Variants in SUGCT observed in about 807,000 individuals in gnomAD.
SUGCT encodes the protein succinyl-CoA:glutarate-CoA transferase.
In SUGCT, 41 loss-of-function variants were observed where a neutral mutation model predicts 55.0. The ratio of observed to expected loss-of-function variants is 0.74; its 90% CI spans 0.58 to 0.97. The LOEUF (loss-of-function observed/expected upper bound fraction) is 0.97. Among genes scored for constraint, SUGCT ranks in the 50% least tolerant of loss-of-function variants. The probability of loss-of-function intolerance (pLI) is 0.00; values close to 1 mark genes in which losing one functional copy is unlikely to be tolerated. For synonymous variants in SUGCT, 187 were observed against 200.4 expected (o/e 0.93, Z 0.56); for missense variants, 568 against 547.8 (o/e 1.04, Z -0.37).
chr7:40,179,841 C>G (rs1785098915), intron 1 of SUGCT, among the ~76,000 whole-genome samples: 1 of 152,228 alleles, frequency 6.6e-6, no homozygotes, highest in Admixed American at 6.5e-5. Flanking sequence ...CTGGCATCAA[C>G]TTTCCTAATA....
At chr7:40,938,947 T>C in the SUGCT span, among the ~76,000 whole-genome samples, 1 of 152,182 alleles carries the variant, frequency 6.6e-6, no homozygotes, top group Admixed American at 6.5e-5. Context: ...TGGATCCACA[T>C]CTTTGCAATT....
chr7:40,249,344 T>TATATATATATATATATATATATAAAA (rs1172651937), intron 7 of SUGCT, among the ~76,000 whole-genome samples: 30 of 128,086 alleles, frequency 2.3e-4, no homozygotes, highest in African/African-American at 9.5e-4. Flanking sequence ...TATATATATA[T>TATATATATATATATATATATATAAAA]ATAATTATAT....
intron 11 of SUGCT, 131 bp from the exon 12 acceptor site, chr7:40,496,153 A>T: frequency 1.7e-6 from 1 of 602,366 alleles, no homozygotes. Flanking sequence ...CTTCTCTCAA[A>T]TGAGGTGTAA....
chr7:40,641,097 G>A (rs1800250786), intron 12 of SUGCT, among the ~76,000 whole-genome samples: 1 of 152,192 alleles, frequency 6.6e-6, no homozygotes, highest in African/African-American at 2.4e-5. Flanking sequence ...AAAGTCACAA[G>A]TGGGCAGAGT....
At chr7:40,137,697 A>G (rs1366673291) in intron 1 of SUGCT, among the ~76,000 whole-genome samples, 1 of 152,028 alleles carries the variant, frequency 6.6e-6, no homozygotes, top group South Asian at 2.1e-4. Context: ...TTATTTAAGT[A>G]TTGAGACATG....
At chr7:40,610,241 C>T (rs1798711162) in intron 12 of SUGCT, among the ~76,000 whole-genome samples, 1 of 152,172 alleles carries the variant, frequency 6.6e-6, no homozygotes, top group African/African-American at 2.4e-5. Flanking sequence ...TAAGTACACC[C>T]ACATTAAGGA....
At chr7:40,944,034 T>C in the SUGCT span, among the ~76,000 whole-genome samples, 4 of 151,996 alleles carry the variant, frequency 2.6e-5, no homozygotes, top group African/African-American at 9.7e-5. Context: ...TGGCCAGTGA[T>C]GATGAGCATT....
At chr7:40,560,462 A>G (rs1009245467) in intron 12 of SUGCT, among the ~76,000 whole-genome samples, 2 of 152,210 alleles carry the variant, frequency 1.3e-5, no homozygotes, top group Non-Finnish European at 2.9e-5. Flanking sequence ...TTTTCCACAC[A>G]AGACAGAATC....
intron 11 of SUGCT, among the ~76,000 whole-genome samples, chr7:40,466,867 A>G (rs1332510771): frequency 6.6e-6 from 1 of 152,202 alleles, no homozygotes; most frequent in African/African-American, 2.4e-5. Context: ...GTTCTCATAT[A>G]TCATACGTGT....
chr7:40,879,494 A>G, the SUGCT span, among the ~76,000 whole-genome samples: 1 of 152,200 alleles, frequency 6.6e-6, no homozygotes, highest in African/African-American at 2.4e-5. Flanking sequence ...ACAGTCCCTT[A>G]ACATTCTGTC....
At chr7:40,971,721 A>G in the SUGCT span, among the ~76,000 whole-genome samples, 1 of 152,108 alleles carries the variant, frequency 6.6e-6, no homozygotes, top group East Asian at 1.9e-4. Flanking sequence ...TAAGATGGGT[A>G]TTTCCATTAT....
intron 6 of SUGCT, among the ~76,000 whole-genome samples, chr7:40,233,211 T>TTTATTA (rs553460502): frequency 2.6e-4 from 39 of 151,242 alleles, no homozygotes; most frequent in Admixed American, 2.5e-3. Context: ...AATATATATG[T>TTTATTA]TTATTATTAT....
the SUGCT span, among the ~76,000 whole-genome samples, chr7:41,016,811 C>A: frequency 2.0e-5 from 3 of 152,186 alleles, no homozygotes; most frequent in African/African-American, 7.2e-5. Flanking sequence ...ACTCTGGCTT[C>A]CTGCGTCTTG....
intron 12 of SUGCT, among the ~76,000 whole-genome samples, chr7:40,542,629 T>C (rs1794758086): frequency 6.6e-6 from 1 of 152,242 alleles, no homozygotes. Flanking sequence ...CTCATTGAAA[T>C]GATGGAGTGG....
Position 40,182,042 on chromosome 7 carries a change from TC to T in SUGCT, c.226+17del. 1 of 1,477,706 alleles carries T rather than the reference TC, an allele frequency of 6.8e-7. No individual in the cohort carries two copies. Among genetic ancestry groups the T allele is most frequent in the Non-Finnish European group, 9.3e-7 (1 of 1,079,554 alleles). 91.5% of individuals were successfully genotyped at this position (1,477,706 alleles called of 1,614,324 possible). On this transcript the variant is annotated intron_variant, in intron 3 of 13. Transcript: ENST00000335693. ...TGGAGAGACCAGGTAAAGCTATTACTCCCTTTAAAAAATAGAAACAAGCTAA... is the reference window on the plus strand; with the variant it reads ...TGGAGAGACCAGGTAAAGCTATTACTCCTTTAAAAAATAGAAACAAGCTAA...
chr7:40,516,652 T>C (rs1028419941), intron 12 of SUGCT, among the ~76,000 whole-genome samples: 2 of 152,144 alleles, frequency 1.3e-5, no homozygotes, highest in African/African-American at 4.8e-5. Context: ...CAATTCACTA[T>C]AAATGTGAGG....
At chr7:40,222,995 TTCCTTC>T (rs1562589569) in intron 6 of SUGCT, among the ~76,000 whole-genome samples, 11,119 of 129,908 alleles carry the variant, frequency 0.086, 729 homozygotes, top group African/African-American at 0.21. Flanking sequence ...CTTTCCTTCC[TTCCTTC>T]CTTCCTTCCT....
chr7:40,940,718 A>T, the SUGCT span, among the ~76,000 whole-genome samples: 6 of 150,524 alleles, frequency 4.0e-5, no homozygotes, highest in African/African-American at 1.3e-4. Flanking sequence ...ACTGGTTTGT[A>T]TACGTTGATT....
At chr7:40,731,025 C>T (rs1341901953) in intron 12 of SUGCT, among the ~76,000 whole-genome samples, 1 of 152,050 alleles carries the variant, frequency 6.6e-6, no homozygotes, top group Non-Finnish European at 1.5e-5. Context: ...ACAAAAGTGG[C>T]AAGTTGTTAG....
Sources: allele counts gnomAD v4.1 joint callset (sites outside exome capture counted in the v4.1 genomes callset), GRCh38; gene constraint gnomAD v4.1.1; transcripts MANE v1.5; gene names NCBI Gene and HGNC (gene_info 2026-07-23, HGNC 2026-07-21).